The following KPNA3 variants were observed in gnomAD, a reference collection of about 807,000 sequenced individuals.
The protein encoded by KPNA3 is karyopherin subunit alpha 3.
A neutral mutation model predicts 73.8 loss-of-function variants in KPNA3; 13 were observed. The observed-to-expected ratio is 0.18, with a 90% CI of 0.11 to 0.28. KPNA3 has a LOEUF of 0.28. Among genes scored for constraint, KPNA3 ranks in the 10% least tolerant of loss-of-function variants. KPNA3 has a pLI of 1.00. For synonymous variants in KPNA3, 186 were observed against 206.9 expected (o/e 0.90, Z 0.87); for missense variants, 360 against 618.1 (o/e 0.58, Z 4.43).
chr13:49,747,486 A>T (rs1181375115), intron 1 of KPNA3, among the ~76,000 whole-genome samples: 1 of 152,146 alleles, frequency 6.6e-6, no homozygotes, highest in Non-Finnish European at 1.5e-5. Context: ...GGAGTTCGAG[A>T]TCAGCCTGGC....
chr13:49,749,475 G>A (rs1040185262), intron 1 of KPNA3, among the ~76,000 whole-genome samples: 1 of 152,130 alleles, frequency 6.6e-6, no homozygotes, highest in African/African-American at 2.4e-5. Flanking sequence ...AGGCCCTACA[G>A]CACAACTTCA....
intron 10 of KPNA3, among the ~76,000 whole-genome samples, chr13:49,715,565 C>T (rs1303701760): frequency 1.3e-5 from 2 of 152,104 alleles, no homozygotes; most frequent in African/African-American, 4.8e-5. Flanking sequence ...GCATACACTA[C>T]ATAATAGATA....
chr13:49,724,488 T>C (rs1195686157), intron 7 of KPNA3, among the ~76,000 whole-genome samples: 2 of 152,018 alleles, frequency 1.3e-5, no homozygotes, highest in Admixed American at 6.6e-5. Flanking sequence ...TTTGTATTTT[T>C]AGTAGAGACA....
chr13:49,731,340 C>T (rs1313461144), intron 6 of KPNA3, among the ~76,000 whole-genome samples: 3 of 149,140 alleles, frequency 2.0e-5, no homozygotes, highest in South Asian at 4.3e-4. Flanking sequence ...CCACCTACCT[C>T]GGCCTCCCAA....
chr13:49,706,414 A>T, intron 12 of KPNA3, 42 bp from the exon 13 acceptor site: 1 of 1,277,092 alleles, frequency 7.8e-7, no homozygotes, highest in Non-Finnish European at 1.1e-6. Flanking sequence ...TTTGAAAAAT[A>T]ATACCTTTAA....
chr13:49,711,426 G>A (rs1211114696), intron 10 of KPNA3, among the ~76,000 whole-genome samples: 1 of 152,202 alleles, frequency 6.6e-6, no homozygotes, highest in Non-Finnish European at 1.5e-5. Context: ...AGAACAGAAA[G>A]GTCATCTATT....
chr13:49,775,224 C>G (rs145286867), intron 1 of KPNA3, among the ~76,000 whole-genome samples: 73 of 146,128 alleles, frequency 5.0e-4, no homozygotes, highest in Non-Finnish European at 5.9e-4. Context: ...CTATTTTTGA[C>G]AAACACTAAG....
intron 1 of KPNA3, among the ~76,000 whole-genome samples, chr13:49,769,572 G>A (rs184259455): frequency 1.3e-5 from 2 of 152,298 alleles, no homozygotes; most frequent in East Asian, 3.9e-4. Flanking sequence ...CACTTAGCAT[G>A]TTTTTGAGAT....
At chr13:49,718,795 T>C (rs896568108) in intron 10 of KPNA3, among the ~76,000 whole-genome samples, 7 of 152,172 alleles carry the variant, frequency 4.6e-5, no homozygotes, top group Admixed American at 4.6e-4. Flanking sequence ...CCTGAGAGCT[T>C]AAAATCTGCA....
intron 1 of KPNA3, 25 bp downstream of exon 1, chr13:49,792,413 G>C (rs369465748): frequency 6.5e-7 from 1 of 1,546,680 alleles, no homozygotes; most frequent in Non-Finnish European, 8.7e-7. Context: ...GGCCAGGCGG[G>C]CCCAGACCGC....
At chr13:49,783,293 A>C (rs1045873587) in intron 1 of KPNA3, among the ~76,000 whole-genome samples, 2 of 152,182 alleles carry the variant, frequency 1.3e-5, no homozygotes, top group African/African-American at 4.8e-5. Flanking sequence ...GATTTATTTT[A>C]CCATATTTTA....
chr13:49,752,014 T>C (rs189688746), intron 1 of KPNA3, among the ~76,000 whole-genome samples: 5 of 152,246 alleles, frequency 3.3e-5, no homozygotes. Context: ...TTCATATGCA[T>C]ATATGCAGAA....
chr13:49,744,218 T>C (rs1316177516), intron 2 of KPNA3, among the ~76,000 whole-genome samples: 1 of 144,200 alleles, frequency 6.9e-6, no homozygotes, highest in Non-Finnish European at 1.6e-5. Context: ...GTCAACAAAA[T>C]GTGAAAAAGA....
At chr13:49,732,198 G>A (rs1335266453) in intron 6 of KPNA3, among the ~76,000 whole-genome samples, 173 bp downstream of exon 6, 1 of 152,092 alleles carries the variant, frequency 6.6e-6, no homozygotes, top group East Asian at 1.9e-4. Flanking sequence ...ATGAAAACGA[G>A]AAGCACTCTG....
intron 2 of KPNA3, among the ~76,000 whole-genome samples, chr13:49,738,811 A>T (rs1046614073): frequency 6.6e-6 from 1 of 152,218 alleles, no homozygotes; most frequent in Non-Finnish European, 1.5e-5. Flanking sequence ...TACAAACTAC[A>T]TACCTTTCAT....
chr13:49,723,847 C>T (rs1227957836), intron 7 of KPNA3, among the ~76,000 whole-genome samples: 1 of 142,164 alleles, frequency 7.0e-6, no homozygotes, highest in Admixed American at 7.5e-5. Flanking sequence ...TCCAGCCTGG[C>T]GACAGAGCGA....
chr13:49,767,439 A>G (rs1363740784), intron 1 of KPNA3, among the ~76,000 whole-genome samples: 1 of 151,902 alleles, frequency 6.6e-6, no homozygotes, highest in Non-Finnish European at 1.5e-5. Context: ...AAGAAGAAAA[A>G]AAGAATAATA....
At chr13:49,723,868 TAAA>T (rs34273881) in intron 7 of KPNA3, among the ~76,000 whole-genome samples, 4 of 127,840 alleles carry the variant, frequency 3.1e-5, no homozygotes, top group Admixed American at 8.1e-5. Flanking sequence ...GACTCCGTCT[TAAA>T]AAAAAAAAAA....
intron 1 of KPNA3, among the ~76,000 whole-genome samples, chr13:49,789,968 C>T (rs1239616100): frequency 6.6e-6 from 1 of 151,942 alleles, no homozygotes; most frequent in Non-Finnish European, 1.5e-5. Context: ...CATGCATTTT[C>T]GGAATACTAT....
Sources: allele counts gnomAD v4.1 joint callset (sites outside exome capture counted in the v4.1 genomes callset), GRCh38; gene constraint gnomAD v4.1.1; transcripts MANE v1.5; gene names NCBI Gene and HGNC (gene_info 2026-07-23, HGNC 2026-07-21).